The following ST8SIA1 variants were observed in gnomAD, a reference collection of about 807,000 sequenced individuals.
ST8SIA1 encodes ST8 alpha-N-acetyl-neuraminide alpha-2,8-sialyltransferase 1.
In ST8SIA1, 16 loss-of-function variants were observed where a neutral mutation model predicts 35.9. The observed-to-expected ratio is 0.45, with a 90% CI of 0.30 to 0.68. ST8SIA1 has a LOEUF of 0.68. Among genes scored for constraint, ST8SIA1 ranks in the 30% least tolerant of loss-of-function variants. The probability of loss-of-function intolerance (pLI) is 0.09; values close to 1 mark genes in which losing one functional copy is unlikely to be tolerated. For synonymous variants in ST8SIA1, 170 were observed against 169.6 expected (o/e 1.00, Z -0.02); for missense variants, 383 against 453.6 (o/e 0.84, Z 1.41).
intron 2 of ST8SIA1, among the ~76,000 whole-genome samples, chr12:22,270,363 G>A (rs1005169495): frequency 1.3e-5 from 2 of 152,208 alleles, no homozygotes; most frequent in Non-Finnish European, 2.9e-5. Flanking sequence ...GTTGTAGAGT[G>A]TAGCCACAAA....
Position 22,201,964 on chromosome 12 carries a change from A to G in ST8SIA1, c.659T>C (p.Met220Thr). 1 of 1,614,014 alleles carries G rather than the reference A, an allele frequency of 6.2e-7. No individual in the cohort carries two copies. Among genetic ancestry groups the G allele is most frequent in the Non-Finnish European group, 8.5e-7 (1 of 1,179,914 alleles). ...TCCTGTCTTCATAGAAAAGGCAGGC[A>G]TGTAGATGTAACTGTGGTTATAAAT... is the stretch of plus-strand genomic sequence containing the variant. ...MKIYNHSYIY[M>T]PAFSMKTGTE... The change falls in exon 5 of 5, where the codon ATG (methionine) becomes ACG (threonine). Residue 220 changes from methionine to threonine, a missense_variant. Physicochemically the swap from Met to Thr is moderately conservative, Grantham distance 81 (BLOSUM62 -1). Transcript: ENST00000396037.
At chr12:22,332,426 C>T (rs1381936074) in intron 1 of ST8SIA1, among the ~76,000 whole-genome samples, 5 of 152,196 alleles carry the variant, frequency 3.3e-5, no homozygotes, top group Admixed American at 3.3e-4. Flanking sequence ...AAAAAATGGA[C>T]TCTTTCATTG....
Position 22,195,388 on chromosome 12 carries a change from T to C in ST8SIA1, c.*6164A>G, listed in dbSNP as rs995913423. 6.6e-6 allele frequency: 1 copy of C among 152,224 alleles called. No individual in the cohort carries two copies. Among genetic ancestry groups the C allele is most frequent in the Non-Finnish European group, 1.5e-5 (1 of 68,134 alleles). 9.4% of individuals were successfully genotyped at this position (152,224 alleles called of 1,614,324 possible). A position where few individuals can be genotyped will look rare whatever the true frequency, so the allele number is the denominator to read the frequency against. On this transcript the variant is annotated 3_prime_UTR_variant, in exon 5 of 5. Coordinates refer to ENST00000396037, the MANE Select transcript of ST8SIA1 (RefSeq NM_003034.4). Reference sequence around the variant, plus strand: ...CCGTCAGCATCTCATGATCTGTCTGTCACACTGCTTCCTCTAGCATCTTTT... The same window carrying C: ...CCGTCAGCATCTCATGATCTGTCTGCCACACTGCTTCCTCTAGCATCTTTT...
At chr12:22,264,640 A>T (rs1378929152) in intron 2 of ST8SIA1, among the ~76,000 whole-genome samples, 1 of 149,458 alleles carries the variant, frequency 6.7e-6, no homozygotes, top group Non-Finnish European at 1.5e-5. Flanking sequence ...GAGAAAAAAA[A>T]CTTCTCATTA....
intron 4 of ST8SIA1, among the ~76,000 whole-genome samples, chr12:22,210,060 T>C (rs1282905366): frequency 6.6e-6 from 1 of 152,210 alleles, no homozygotes; most frequent in African/African-American, 2.4e-5. Flanking sequence ...GCCAAATAAA[T>C]TATGTTATAT....
intron 2 of ST8SIA1, among the ~76,000 whole-genome samples, chr12:22,274,114 A>T (rs1865942783): frequency 6.6e-6 from 1 of 152,232 alleles, no homozygotes; most frequent in South Asian, 2.1e-4. Flanking sequence ...TTGTGAGGAT[A>T]TGAAAGAAGG....
intron 2 of ST8SIA1, 45 bp from the exon 3 acceptor site, chr12:22,255,434 A>T: frequency 6.7e-7 from 1 of 1,485,098 alleles, no homozygotes; most frequent in Non-Finnish European, 9.4e-7. Flanking sequence ...AAGAACACAC[A>T]ACCGCTCACA....
chr12:22,297,953 G>A (rs1319353101), intron 1 of ST8SIA1, among the ~76,000 whole-genome samples: 1 of 152,078 alleles, frequency 6.6e-6, no homozygotes, highest in Non-Finnish European at 1.5e-5. Context: ...CAAACTGTGG[G>A]GAGGAAAGGG....
chr12:22,266,129 C>T (rs1430378912), intron 2 of ST8SIA1, among the ~76,000 whole-genome samples: 1 of 151,934 alleles, frequency 6.6e-6, no homozygotes, highest in Non-Finnish European at 1.5e-5. Flanking sequence ...AATGGCTCGC[C>T]CTCACCCCTT....
intron 1 of ST8SIA1, among the ~76,000 whole-genome samples, chr12:22,332,197 G>A (rs1342796415): frequency 5.9e-5 from 9 of 152,162 alleles, no homozygotes; most frequent in Non-Finnish European, 1.3e-4. Context: ...TTTTCATAGT[G>A]TGTGGATTTT....
chr12:22,227,671 C>T (rs1188524252), intron 4 of ST8SIA1, among the ~76,000 whole-genome samples: 1 of 152,074 alleles, frequency 6.6e-6, no homozygotes, highest in Non-Finnish European at 1.5e-5. Context: ...GAAAAACAAA[C>T]ATAAAGCAAG....
chr12:22,272,383 C>T (rs1413243328), intron 2 of ST8SIA1, among the ~76,000 whole-genome samples: 2 of 152,132 alleles, frequency 1.3e-5, no homozygotes, highest in South Asian at 2.1e-4. Flanking sequence ...GTTCAAACTG[C>T]CCACACCAAC....
intron 1 of ST8SIA1, among the ~76,000 whole-genome samples, chr12:22,321,311 G>A (rs575101811): frequency 7.0e-4 from 103 of 147,760 alleles, no homozygotes; most frequent in Non-Finnish European, 1.8e-4. Flanking sequence ...AGGGCTGCCC[G>A]CCAGGTGAAA....
intron 4 of ST8SIA1, among the ~76,000 whole-genome samples, chr12:22,214,339 T>C (rs1865210550): frequency 6.6e-6 from 1 of 152,248 alleles, no homozygotes; most frequent in South Asian, 2.1e-4. Context: ...AGATATTTTA[T>C]AGTAGAAATC....
chr12:22,323,729 A>G (rs925616720), intron 1 of ST8SIA1, among the ~76,000 whole-genome samples: 2 of 152,234 alleles, frequency 1.3e-5, no homozygotes, highest in African/African-American at 4.8e-5. Flanking sequence ...GTCGGAAACC[A>G]TTATTCTCAG....
intron 1 of ST8SIA1, among the ~76,000 whole-genome samples, chr12:22,333,543 A>T (rs1389901025): frequency 6.6e-6 from 1 of 152,026 alleles, no homozygotes; most frequent in Non-Finnish European, 1.5e-5. Context: ...ACTGCCCATC[A>T]CTCCGACGTT....
chr12:22,208,173 A>G (rs1865136283), intron 4 of ST8SIA1, among the ~76,000 whole-genome samples: 1 of 151,902 alleles, frequency 6.6e-6, no homozygotes, highest in South Asian at 2.1e-4. Context: ...CAATAATAAA[A>G]CAATTATCAT....
At chr12:22,244,201 TTC>T (rs1865572824) in intron 4 of ST8SIA1, among the ~76,000 whole-genome samples, 1 of 152,156 alleles carries the variant, frequency 6.6e-6, no homozygotes, top group African/African-American at 2.4e-5. Flanking sequence ...GCATACTCTT[TTC>T]TTATGTTTTT....
At chr12:22,273,786 G>C (rs2135807995) in intron 2 of ST8SIA1, among the ~76,000 whole-genome samples, 1 of 152,140 alleles carries the variant, frequency 6.6e-6, no homozygotes, top group East Asian at 1.9e-4. Flanking sequence ...AAAATTTATT[G>C]AATCTCTACC....
Sources: gnomAD v4.1 joint callset for allele counts (sites outside exome capture counted in the v4.1 genomes callset) on GRCh38, gnomAD v4.1.1 for gene constraint, MANE v1.5 for transcripts, NCBI Gene and HGNC (gene_info 2026-07-23, HGNC 2026-07-21) for gene names.